The following KIF16B variants were observed in gnomAD, a reference collection of about 807,000 sequenced individuals.
KIF16B encodes kinesin family member 16B.
A neutral mutation model predicts 156.3 loss-of-function variants in KIF16B; 98 were observed. The observed-to-expected ratio is 0.63, with a 90% confidence interval of 0.53 to 0.74. KIF16B has a LOEUF of 0.74. Ranked by LOEUF, KIF16B falls within the 30% of genes least tolerant of loss-of-function variation. KIF16B has a pLI of 0.00. For missense variants in KIF16B, 1,421 were observed against 1,606.5 expected (o/e 0.88, Z 1.97); for synonymous variants, 564 against 583.7 (o/e 0.97, Z 0.49).
At chr20:16,344,117 T>C (rs370318081) in intron 23 of KIF16B, among the ~76,000 whole-genome samples, 55 of 152,300 alleles carry the variant, frequency 3.6e-4, no homozygotes, top group African/African-American at 1.2e-3. Context: ...CTACTGAAAG[T>C]CTTATGCAGC....
intron 25 of KIF16B, among the ~76,000 whole-genome samples, chr20:16,279,531 C>G (rs1422056163): frequency 6.6e-6 from 1 of 152,160 alleles, no homozygotes; most frequent in Non-Finnish European, 1.5e-5. Context: ...AGGGGGCAGA[C>G]AAGGGTCAGG....
At chr20:16,398,652 G>A (rs1189829716) in intron 17 of KIF16B, among the ~76,000 whole-genome samples, 1 of 152,232 alleles carries the variant, frequency 6.6e-6, no homozygotes, top group African/African-American at 2.4e-5. Flanking sequence ...TGGACGACAA[G>A]ATTTCCCAGA....
At chr20:16,357,843 A>G (rs527435072) in intron 22 of KIF16B, among the ~76,000 whole-genome samples, 3 of 152,332 alleles carry the variant, frequency 2.0e-5, no homozygotes, top group African/African-American at 7.2e-5. Context: ...CAAAGCAAGA[A>G]GAATTAATTG....
At chr20:16,545,984 G>T (rs2070391825) in intron 1 of KIF16B, among the ~76,000 whole-genome samples, 1 of 151,878 alleles carries the variant, frequency 6.6e-6, no homozygotes. Context: ...CCATATACCA[G>T]CTAGGGAAGG....
rs1034507282 is a variant in KIF16B at position 16,272,280 on chromosome 20, A to G, written c.*973T>C. 1 of 152,636 alleles carries G rather than the reference A, an allele frequency of 6.6e-6. No homozygotes were observed. The highest frequency in any genetic ancestry group is 1.5e-5 in the Non-Finnish European group (1 of 68,034). The allele number at this position is 152,636 out of a possible 1,614,324, so 9.5% of individuals were successfully genotyped here. ...ATACATTTGAGTATATACCACATAC[A>G]TATTTTTTCCACTCACATTTTTCTC... On this transcript the variant is annotated 3_prime_UTR_variant, in exon 26 of 26. Coordinates refer to ENST00000354981, the MANE Select transcript of KIF16B (RefSeq NM_024704.5).
intron 4 of KIF16B, among the ~76,000 whole-genome samples, chr20:16,514,543 G>A (rs1463462512): frequency 7.1e-6 from 1 of 140,846 alleles, no homozygotes; most frequent in Admixed American, 7.3e-5. Flanking sequence ...AATGCCACAG[G>A]TTTGGCAGGC....
intron 1 of KIF16B, among the ~76,000 whole-genome samples, chr20:16,570,437 A>G (rs1007169125): frequency 2.0e-5 from 3 of 152,194 alleles, no homozygotes; most frequent in East Asian, 3.9e-4. Context: ...TGCTTCCGTG[A>G]TCAATGCAGA....
intron 19 of KIF16B, among the ~76,000 whole-genome samples, chr20:16,376,132 A>G (rs1450657632): frequency 6.6e-6 from 1 of 152,224 alleles, no homozygotes; most frequent in East Asian, 1.9e-4. Context: ...AGGTACACAG[A>G]GTTATTCTTC....
At chr20:16,536,620 A>G (rs2069976419) in intron 1 of KIF16B, among the ~76,000 whole-genome samples, 1 of 152,202 alleles carries the variant, frequency 6.6e-6, no homozygotes, top group Non-Finnish European at 1.5e-5. Flanking sequence ...AATGTTTAGG[A>G]GAAGTAAAAC....
At chr20:16,433,958 C>T (rs1383752234) in intron 12 of KIF16B, among the ~76,000 whole-genome samples, 19 of 152,030 alleles carry the variant, frequency 1.2e-4, no homozygotes, top group Non-Finnish European at 4.4e-5. Context: ...GGGCCACCCT[C>T]CCCCAACTCC....
chr20:16,474,106 C>A (rs1181730820), intron 12 of KIF16B, among the ~76,000 whole-genome samples: 2 of 152,180 alleles, frequency 1.3e-5, no homozygotes, highest in Non-Finnish European at 2.9e-5. Context: ...GTCCTTCTTG[C>A]CCAATGCAGG....
chr20:16,313,305 AAT>A (rs766687705), intron 24 of KIF16B, among the ~76,000 whole-genome samples: 210 of 152,370 alleles, frequency 1.4e-3, no homozygotes, highest in Non-Finnish European at 2.8e-3. Context: ...TGTAGGGCAC[AAT>A]ATGTCACAAA....
At chr20:16,370,664 A>G in intron 21 of KIF16B, 28 bp from the exon 22 acceptor site, 1 of 1,558,746 alleles carries the variant, frequency 6.4e-7, no homozygotes, top group Non-Finnish European at 8.7e-7. Flanking sequence ...AGCCCTCTAT[A>G]TTAAATTATA....
chr20:16,478,169 A>G (rs1007733308), intron 12 of KIF16B, among the ~76,000 whole-genome samples: 4 of 152,246 alleles, frequency 2.6e-5, no homozygotes, highest in Admixed American at 1.3e-4. Flanking sequence ...GACAAGGGTC[A>G]GAGGGCAAAT....
At chr20:16,380,456 C>CT (rs1366286017) in intron 18 of KIF16B, among the ~76,000 whole-genome samples, 1 of 152,104 alleles carries the variant, frequency 6.6e-6, no homozygotes, top group Non-Finnish European at 1.5e-5. Flanking sequence ...TAAAAGGCCC[C>CT]TGAGCTCAAA....
intron 24 of KIF16B, among the ~76,000 whole-genome samples, chr20:16,317,804 C>T (rs2063719806): frequency 6.6e-6 from 1 of 152,238 alleles, no homozygotes. Context: ...CACCTGCATT[C>T]TGCCTATGCT....
Position 16,392,942 on chromosome 20 carries a change from TG to T in KIF16B, c.1785-11196del, listed in dbSNP as rs112075861. ...ATTGAAATGTTATCAACAATTTACATGGAAAAAAAAGGAAATAGTTCTGAGT... is the reference window on the plus strand; with the variant it reads ...ATTGAAATGTTATCAACAATTTACATGAAAAAAAAGGAAATAGTTCTGAGT... On this transcript the variant is annotated intron_variant, in intron 17 of 25. Transcript: ENST00000354981. 3.9e-4 allele frequency among the ~76,000 whole-genome samples: 59 copies of T among 152,056 alleles called. 1 individual carries two copies. The highest frequency in any genetic ancestry group is 3.4e-3 in the Middle Eastern group (1 of 294).
chr20:16,327,301 AG>A (rs201610619), intron 24 of KIF16B, among the ~76,000 whole-genome samples: 1 of 148,722 alleles, frequency 6.7e-6, no homozygotes, highest in East Asian at 2.1e-4. Context: ...AAAGGGTGGG[AG>A]GGGGGATTAG....
At chr20:16,518,209 G>A (rs971774894) in intron 3 of KIF16B, among the ~76,000 whole-genome samples, 3 of 152,108 alleles carry the variant, frequency 2.0e-5, no homozygotes, top group Admixed American at 1.3e-4. Context: ...AAAAGCAGCC[G>A]GCACTGCCTG....
Sources: allele counts gnomAD v4.1 joint callset (sites outside exome capture counted in the v4.1 genomes callset), GRCh38; gene constraint gnomAD v4.1.1; transcripts MANE v1.5; gene names NCBI Gene and HGNC (gene_info 2026-07-23, HGNC 2026-07-21).